TIAM2: variants seen among roughly 807,000 people sequenced by gnomAD.
The protein encoded by TIAM2 is rho guanine nucleotide exchange factor TIAM2.
A neutral mutation model predicts 152.9 loss-of-function variants in TIAM2; 80 were observed. The ratio of observed to expected loss-of-function variants is 0.52; its 90% CI spans 0.44 to 0.63. The LOEUF (loss-of-function observed/expected upper bound fraction) is 0.63. TIAM2 is among the 30% of genes least tolerant of loss of function. TIAM2 has a pLI of 0.00. For missense variants in TIAM2, 1,965 were observed against 2,120.1 expected, an observed-to-expected ratio of 0.93 and a Z score of 1.44; for synonymous variants, 804 against 838.0, an observed-to-expected ratio of 0.96 and a Z score of 0.70.
At chr6:155,063,806 A>T (rs982404511) in intron 1 of TIAM2, among the ~76,000 whole-genome samples, 2 of 144,304 alleles carry the variant, frequency 1.4e-5, no homozygotes, top group Non-Finnish European at 3.0e-5. Flanking sequence ...AAAAAAAGTT[A>T]TGGAACTGTT....
intron 2 of TIAM2, among the ~76,000 whole-genome samples, chr6:155,092,046 C>T (rs952175536): frequency 1.3e-5 from 2 of 152,156 alleles, no homozygotes; most frequent in African/African-American, 2.4e-5. Flanking sequence ...CACAGGCCCA[C>T]ACCACTGGGC....
At chr6:155,119,531 G>A (rs538247236) in intron 2 of TIAM2, among the ~76,000 whole-genome samples, 1 of 152,030 alleles carries the variant, frequency 6.6e-6, no homozygotes, top group East Asian at 1.9e-4. Flanking sequence ...GTAGAGATGG[G>A]TATCACCATG....
intron 7 of TIAM2, among the ~76,000 whole-genome samples, chr6:155,163,961 A>T (rs1306008205): frequency 2.1e-5 from 3 of 143,998 alleles, no homozygotes; most frequent in African/African-American, 2.5e-5. Context: ...GACCCAGTGC[A>T]TTTTGTTTTT....
intron 18 of TIAM2, 154 bp downstream of exon 18, chr6:155,244,937 A>G: frequency 2.0e-6 from 2 of 982,774 alleles, no homozygotes; most frequent in Non-Finnish European, 2.8e-6. Context: ...TTCCTCTGTC[A>G]GGTGGTAAAG....
At chr6:155,199,113 C>T (rs1337221336) in intron 14 of TIAM2, among the ~76,000 whole-genome samples, 5 of 151,738 alleles carry the variant, frequency 3.3e-5, no homozygotes, top group African/African-American at 7.3e-5. Flanking sequence ...GACAGAGTCT[C>T]GCTTTGTCAC....
At chr6:155,070,300 A>G (rs774355562) in intron 1 of TIAM2, among the ~76,000 whole-genome samples, 1 of 130,910 alleles carries the variant, frequency 7.6e-6, no homozygotes, top group Non-Finnish European at 1.5e-5. Flanking sequence ...GGCTCACTGC[A>G]ACCTCTGCCT....
chr6:155,184,828 A>C (rs943501784), intron 14 of TIAM2, among the ~76,000 whole-genome samples: 6 of 152,196 alleles, frequency 3.9e-5, no homozygotes, highest in African/African-American at 1.4e-4. Flanking sequence ...TAAATGGACT[A>C]TTGGCATATA....
At chr6:155,192,045 C>G (rs116654020) in intron 14 of TIAM2, among the ~76,000 whole-genome samples, 7,424 of 151,914 alleles carry the variant, frequency 0.049, 293 homozygotes, top group African/African-American at 0.11. Context: ...ATGTGGGGGG[C>G]CCAGTGTAGT....
At chr6:155,097,953 A>G (rs1778454665) in intron 2 of TIAM2, among the ~76,000 whole-genome samples, 3 of 152,282 alleles carry the variant, frequency 2.0e-5, no homozygotes, top group South Asian at 4.1e-4. Flanking sequence ...TTTGTCAAAG[A>G]TGAGTTGGTT....
At chr6:155,074,986 C>T (rs1378469587) in intron 1 of TIAM2, among the ~76,000 whole-genome samples, 1 of 151,372 alleles carries the variant, frequency 6.6e-6, no homozygotes, top group Non-Finnish European at 1.5e-5. Context: ...GAATGGGTCT[C>T]GATGCAATTC....
chr6:155,068,587 G>T (rs1777758666), intron 1 of TIAM2, among the ~76,000 whole-genome samples: 1 of 148,050 alleles, frequency 6.8e-6, no homozygotes, highest in Non-Finnish European at 1.5e-5. Flanking sequence ...GGAGTAGCTG[G>T]GATTACAGGC....
intron 14 of TIAM2, among the ~76,000 whole-genome samples, chr6:155,189,426 A>C (rs778716281): frequency 1.2e-4 from 19 of 152,138 alleles, no homozygotes; most frequent in Non-Finnish European, 2.6e-4. Flanking sequence ...TTGGTCTCAG[A>C]ATTACGAGTT....
chr6:155,252,950 C>T lies in TIAM2; in HGVS notation c.4122C>T (p.Pro1374=), dbSNP rs1333158165. ...CTTGGTGGGCCTTCATGTTACAGCC[C>T]TCGAATTCCCGGCCTGCACACAACT... ...KENCKLKKKL[P]SNSRPAHNST... The change falls in exon 24 of 27, where the codon CCC becomes CCT. Residue 1374 remains proline (P), a splice_region_variant and synonymous_variant. Coordinates refer to ENST00000682666, the MANE Select transcript of TIAM2 (RefSeq NM_012454.4). 6 of 1,613,936 alleles carry T rather than the reference C, an allele frequency of 3.7e-6. No individual in the cohort carries two copies. The highest frequency in any genetic ancestry group is 5.1e-6 in the Non-Finnish European group (6 of 1,180,004).
chr6:155,057,774 GGCCTCA>G (rs1777489142), intron 1 of TIAM2, among the ~76,000 whole-genome samples: 1 of 151,540 alleles, frequency 6.6e-6, no homozygotes. Flanking sequence ...TGGAACCCCT[GGCCTCA>G]GGTGATCCAC....
chr6:155,029,497 T>TAA (rs1209332280), intron 1 of TIAM2, among the ~76,000 whole-genome samples: 1 of 24,444 alleles, frequency 4.1e-5, no homozygotes, highest in Non-Finnish European at 7.2e-5. Flanking sequence ...ATAGTATATA[T>TAA]TATATATAAT....
chr6:155,208,893 C>T (rs751975), intron 14 of TIAM2, among the ~76,000 whole-genome samples: 81,522 of 151,854 alleles, frequency 0.54, 24,072 homozygotes, highest in Middle Eastern at 0.7. Context: ...CAGCCACACT[C>T]GGCAAGTTCC....
chr6:155,248,335 A>G (rs1306460434), intron 20 of TIAM2, among the ~76,000 whole-genome samples, 156 bp downstream of exon 20: 1 of 152,242 alleles, frequency 6.6e-6, no homozygotes, highest in Admixed American at 6.5e-5. Context: ...GTTTCACGTG[A>G]ATATGTGAAA....
chr6:155,092,849 CT>C (rs1778334526), intron 2 of TIAM2, among the ~76,000 whole-genome samples: 1 of 81,264 alleles, frequency 1.2e-5, no homozygotes, highest in Admixed American at 1.2e-4. Context: ...GAATGAAACT[CT>C]GTCTCAAAAA....
intron 1 of TIAM2, among the ~76,000 whole-genome samples, chr6:155,060,597 T>C (rs572365457): frequency 9.9e-5 from 15 of 152,148 alleles, no homozygotes; most frequent in East Asian, 9.7e-4. Flanking sequence ...CTTTGGTGAT[T>C]GAAAGCCCTT....
Sources: allele counts gnomAD v4.1 joint callset (sites outside exome capture counted in the v4.1 genomes callset), GRCh38; gene constraint gnomAD v4.1.1; transcripts MANE v1.5; gene names NCBI Gene and HGNC (gene_info 2026-07-23, HGNC 2026-07-21).